Variants in PCDH11Y observed in about 807,000 individuals in gnomAD.
PCDH11Y encodes protocadherin-11 Y-linked.
For missense variants in PCDH11Y, 12 were observed against 224.8 expected, an observed-to-expected ratio of 0.05 and a Z score of 6.05; for synonymous variants, 9 against 83.6, an observed-to-expected ratio of 0.11 and a Z score of 4.87.
intron 2 of PCDH11Y, among the ~76,000 whole-genome samples, chrY:5,435,842 C>T (rs2053274679): frequency 3.1e-5 from 1 of 32,289 alleles, no homozygotes; most frequent in East Asian, 8.3e-4. Flanking sequence ...TGGTCAGTTG[C>T]GTCTACACCC....
At chrY:5,220,550 G>GCCTC in intron 2 of PCDH11Y, among the ~76,000 whole-genome samples, 1 of 24,274 alleles carries the variant, frequency 4.1e-5, no homozygotes, top group East Asian at 1.1e-3. Flanking sequence ...CTCCCAAGTA[G>GCCTC]CTGGCCCCCG....
At chrY:5,122,676 T>A in intron 2 of PCDH11Y, among the ~76,000 whole-genome samples, 1 of 32,135 alleles carries the variant, frequency 3.1e-5, no homozygotes, top group Non-Finnish European at 7.6e-5. Flanking sequence ...TGCTTCAGGA[T>A]GATGGGGAAC....
intron 2 of PCDH11Y, among the ~76,000 whole-genome samples, chrY:5,339,742 T>C: frequency 3.1e-5 from 1 of 32,739 alleles, no homozygotes; most frequent in Non-Finnish European, 7.4e-5. Flanking sequence ...TTCTTACCAC[T>C]ACTTTATATT....
At chrY:5,373,289 C>T (rs2053192968) in intron 2 of PCDH11Y, among the ~76,000 whole-genome samples, 1 of 21,876 alleles carries the variant, frequency 4.6e-5, no homozygotes, top group Middle Eastern at 0.02. Flanking sequence ...CAGGTTCAAG[C>T]GATTTTCCTG....
At chrY:5,680,117 T>C (rs2053557128) in intron 4 of PCDH11Y, among the ~76,000 whole-genome samples, 1 of 30,392 alleles carries the variant, frequency 3.3e-5, no homozygotes, top group East Asian at 8.9e-4. Flanking sequence ...TGCAGCACAG[T>C]CTCAGTGATA....
At chrY:5,693,111 C>T (rs2053569339) in intron 4 of PCDH11Y, among the ~76,000 whole-genome samples, 1 of 32,575 alleles carries the variant, frequency 3.1e-5, no homozygotes, top group Non-Finnish European at 7.6e-5. Flanking sequence ...GTTTTTAATG[C>T]TGTTAGGTAT....
chrY:5,244,260 C>T, intron 2 of PCDH11Y, among the ~76,000 whole-genome samples: 1 of 33,552 alleles, frequency 3.0e-5, no homozygotes, highest in South Asian at 6.7e-4. Context: ...TGGGACACAG[C>T]GAAGGCAGTG....
At chrY:5,573,263 G>T in intron 3 of PCDH11Y, 2 of 361,822 alleles carry the variant, frequency 5.5e-6, no homozygotes, top group Non-Finnish European at 7.8e-6. Context: ...GCAGGCGCCG[G>T]GGGCTCTGGT....
intron 2 of PCDH11Y, among the ~76,000 whole-genome samples, chrY:5,192,002 C>T (rs1602883508): frequency 3.1e-5 from 1 of 32,019 alleles, no homozygotes; most frequent in African/African-American, 1.2e-4. Flanking sequence ...GTGGCAAGCG[C>T]GCATTACCGC....
chrY:5,036,267 G>A, intron 3 of PCDH11Y, among the ~76,000 whole-genome samples: 1 of 21,759 alleles, frequency 4.6e-5, no homozygotes, highest in African/African-American at 1.8e-4. Context: ...ATACCTAAAG[G>A]CATAGTTAAT....
chrY:5,362,341 C>T, intron 2 of PCDH11Y, among the ~76,000 whole-genome samples: 2 of 30,515 alleles, frequency 6.6e-5, no homozygotes, highest in East Asian at 8.7e-4. Context: ...TTTGCTTATT[C>T]GGGATATTTC....
At chrY:5,619,658 G>A in intron 4 of PCDH11Y, among the ~76,000 whole-genome samples, 1 of 32,426 alleles carries the variant, frequency 3.1e-5, no homozygotes, top group African/African-American at 1.2e-4. Context: ...AGGAAATCCT[G>A]TAAGTGTGAG....
chrY:5,432,614 A>T (rs2053269926), intron 2 of PCDH11Y, among the ~76,000 whole-genome samples: 1 of 32,376 alleles, frequency 3.1e-5, no homozygotes, highest in Non-Finnish European at 7.6e-5. Context: ...TTTTTTTTAA[A>T]TACAGATACT....
intron 2 of PCDH11Y, among the ~76,000 whole-genome samples, chrY:5,273,713 A>G: frequency 3.0e-5 from 1 of 33,095 alleles, no homozygotes; most frequent in South Asian, 6.9e-4. Flanking sequence ...TGGACCTAAA[A>G]GGTTGCCTAT....
intron 2 of PCDH11Y, among the ~76,000 whole-genome samples, chrY:5,379,777 G>T (rs2053203131): frequency 5.1e-5 from 1 of 19,739 alleles, no homozygotes; most frequent in Non-Finnish European, 1.1e-4. Context: ...CTCCCTTCTG[G>T]CTCCCCCATC....
intron 4 of PCDH11Y, among the ~76,000 whole-genome samples, chrY:5,680,787 C>A: frequency 3.1e-5 from 1 of 32,077 alleles, no homozygotes; most frequent in African/African-American, 1.2e-4. Flanking sequence ...ATAAAAAATA[C>A]AAAGTCAGAT....
At chrY:5,361,526 G>T (rs2053174252) in intron 2 of PCDH11Y, among the ~76,000 whole-genome samples, 1 of 25,178 alleles carries the variant, frequency 4.0e-5, no homozygotes, top group African/African-American at 1.5e-4. Flanking sequence ...AGGCCTGCAG[G>T]TTTTCTCTAC....
intron 4 of PCDH11Y, among the ~76,000 whole-genome samples, chrY:5,601,324 G>A: frequency 3.2e-5 from 1 of 31,711 alleles, no homozygotes; most frequent in African/African-American, 1.2e-4. Flanking sequence ...GTATACTTGG[G>A]AAAGTTTTGT....
intron 2 of PCDH11Y, among the ~76,000 whole-genome samples, chrY:5,149,168 C>G: frequency 3.1e-5 from 1 of 32,229 alleles, no homozygotes; most frequent in Non-Finnish European, 7.6e-5. Context: ...TTCCAAATTT[C>G]TCAGTGAATA....
Sources: allele counts gnomAD v4.1 joint callset (sites outside exome capture counted in the v4.1 genomes callset), GRCh38; gene constraint gnomAD v4.1.1; transcripts MANE v1.5; gene names NCBI Gene and HGNC (gene_info 2026-07-23, HGNC 2026-07-21).